Variants in C5orf52 observed in about 807,000 individuals in gnomAD.
The protein encoded by C5orf52 is uncharacterized protein C5orf52.
In C5orf52, 15 loss-of-function variants were observed where a neutral mutation model predicts 16.8. The ratio of observed to expected loss-of-function variants is 0.89; its 90% confidence interval spans 0.60 to 1.38. The LOEUF (loss-of-function observed/expected upper bound fraction) is 1.38, where lower values mean the gene tolerates loss of function less well. Ranked by LOEUF, C5orf52 falls within the 40% of genes most tolerant of loss-of-function variation. The probability of loss-of-function intolerance (pLI) is 0.00; values close to 1 mark genes in which losing one functional copy is unlikely to be tolerated. For synonymous variants in C5orf52, 83 were observed against 87.2 expected, an observed-to-expected ratio of 0.95 and a Z score of 0.27; for missense variants, 206 against 213.1, an observed-to-expected ratio of 0.97 and a Z score of 0.21.
At chr5:157,672,986 A>G (rs1581414747) in intron 1 of C5orf52, among the ~76,000 whole-genome samples, 1 of 151,516 alleles carries the variant, frequency 6.6e-6, no homozygotes, top group Non-Finnish European at 1.5e-5. Flanking sequence ...GTCCTTCAAA[A>G]TGTTTCACCC....
chr5:157,675,068 G>A, intron 1 of C5orf52, 24 bp from the exon 2 acceptor site: 1 of 1,492,794 alleles, frequency 6.7e-7, no homozygotes, highest in Non-Finnish European at 9.1e-7. Context: ...TGTAACCTGT[G>A]CCACCTTTCC....
At chr5:157,672,034 G>A (rs756847917) in intron 1 of C5orf52, among the ~76,000 whole-genome samples, 5 of 152,212 alleles carry the variant, frequency 3.3e-5, no homozygotes, top group Non-Finnish European at 7.3e-5. Flanking sequence ...CGGAATCGCG[G>A]GAGAACCTGG....
At chr5:157,671,254 C>T (rs1759777145), upstream of C5orf52, 1 of 257,382 alleles carries the variant, frequency 3.9e-6, no homozygotes, top group Admixed American at 5.5e-5. Context: ...CCTGGCTCAA[C>T]CCGTTACCCG....
At chr5:157,673,808 C>G (rs1345665748) in intron 1 of C5orf52, among the ~76,000 whole-genome samples, 5 of 152,044 alleles carry the variant, frequency 3.3e-5, no homozygotes, top group Non-Finnish European at 5.9e-5. Context: ...CCACGCCCAG[C>G]TAATTTTTGT....
chr5:157,679,707 G>A (rs1759970589), intron 2 of C5orf52, 134 bp from the exon 3 acceptor site: 2 of 769,390 alleles, frequency 2.6e-6, no homozygotes, highest in Non-Finnish European at 4.2e-6. Flanking sequence ...CAAAGTATAT[G>A]GAATGTACAT....
intron 1 of C5orf52, among the ~76,000 whole-genome samples, chr5:157,672,883 T>C (rs1481731172): frequency 6.6e-6 from 1 of 151,338 alleles, no homozygotes; most frequent in African/African-American, 2.4e-5. Flanking sequence ...CTGGAACTCC[T>C]GACCTCAGGT....
intron 1 of C5orf52, 43 bp downstream of exon 1, chr5:157,671,869 C>A: frequency 7.7e-7 from 1 of 1,303,196 alleles, no homozygotes; most frequent in Non-Finnish European, 1.0e-6. Context: ...CCCTCGGACC[C>A]GCGAGGGAAC....
In C5orf52 at chr5:157,671,834, C is replaced by T. The variant is rs746772810; in HGVS notation, c.212+8C>T. ...GCAGCCGGTGCTGTTCAGGTGTGGC[C>T]CGCATGCCCAGAGCGTTCGTCAGAC... is the stretch of plus-strand genomic sequence containing the variant. On this transcript the variant is annotated splice_region_variant and intron_variant, in intron 1 of 2. Transcript: ENST00000409999. 2 of 1,497,466 alleles carry T rather than the reference C, an allele frequency of 1.3e-6. No individual in the cohort carries two copies. Among genetic ancestry groups the T allele is most frequent in the South Asian group, 2.6e-5 (2 of 76,966 alleles). 92.8% of individuals were successfully genotyped at this position (1,497,466 alleles called of 1,614,324 possible). A position where few individuals can be genotyped will look rare whatever the true frequency, so the allele number is the denominator to read the frequency against.
intron 2 of C5orf52, among the ~76,000 whole-genome samples, chr5:157,676,382 T>G (rs1581416822): frequency 6.6e-6 from 1 of 152,260 alleles, no homozygotes; most frequent in Middle Eastern, 3.4e-3. Context: ...TGCTGCCTGC[T>G]TCTTGACTCT....
intron 1 of C5orf52, among the ~76,000 whole-genome samples, chr5:157,672,842 G>T (rs186222267): frequency 5.1e-4 from 77 of 152,058 alleles, no homozygotes; most frequent in African/African-American, 1.9e-3. Flanking sequence ...TATTAGTAGA[G>T]GCGGGGTTTC....
At chr5:157,673,662 T>G (rs541773175) in intron 1 of C5orf52, among the ~76,000 whole-genome samples, 8 of 152,280 alleles carry the variant, frequency 5.3e-5, no homozygotes, top group African/African-American at 1.9e-4. Flanking sequence ...ATTTTTTTTT[T>G]TTTGAGACGG....
chr5:157,677,782 G>C (rs551672497), intron 2 of C5orf52, among the ~76,000 whole-genome samples: 3 of 152,126 alleles, frequency 2.0e-5, no homozygotes, highest in Middle Eastern at 6.8e-3. Flanking sequence ...TCGGGAGTTT[G>C]AGACCAGCCT....
At chr5:157,679,733 C>A in intron 2 of C5orf52, 108 bp from the exon 3 acceptor site, 1 of 1,075,208 alleles carries the variant, frequency 9.3e-7, no homozygotes, top group Non-Finnish European at 1.3e-6. Context: ...CCAGCTGACA[C>A]TTTTCCCACT....
chr5:157,676,087 T>C (rs1474461944), intron 2 of C5orf52, among the ~76,000 whole-genome samples: 1 of 152,146 alleles, frequency 6.6e-6, no homozygotes, highest in Non-Finnish European at 1.5e-5. Context: ...TTCTTTTCTT[T>C]TTTGAGACAG....
Position 157,671,761 on chromosome 5 carries a change from C to T in C5orf52, c.147C>T (p.Gly49=). ...RDRLGRRPEI[G]VGGQPQICFP... ...GACTCGGCCGCCGCCCAGAAATCGGCGTAGGGGGTCAGCCGCAGATCTGCT... is the reference window on the plus strand; with the variant it reads ...GACTCGGCCGCCGCCCAGAAATCGGTGTAGGGGGTCAGCCGCAGATCTGCT... Residue 49 remains glycine, a synonymous_variant, in exon 1 of 3, where the codon GGC becomes GGT. Transcript: ENST00000409999. 1 of 1,550,762 alleles carries T rather than the reference C, an allele frequency of 6.4e-7. No individual in the cohort carries two copies. The highest frequency in any genetic ancestry group is 8.7e-7 in the Non-Finnish European group (1 of 1,146,676).
At chr5:157,672,275 A>G (rs541273929) in intron 1 of C5orf52, among the ~76,000 whole-genome samples, 43 of 151,972 alleles carry the variant, frequency 2.8e-4, no homozygotes, top group African/African-American at 1.0e-3. Context: ...AAAAAACCCC[A>G]GTTCCCTCTG....
Position 157,671,607 on chromosome 5 carries a change from A to G in C5orf52, c.-8A>G. 1 of 1,543,708 alleles carries G rather than the reference A, an allele frequency of 6.5e-7. No homozygotes were observed. Among genetic ancestry groups the G allele is most frequent in the Non-Finnish European group, 8.7e-7 (1 of 1,143,442 alleles). On this transcript the variant is annotated 5_prime_UTR_variant, in exon 1 of 3. Coordinates refer to ENST00000409999, the MANE Select transcript of C5orf52 (RefSeq NM_001145132.2). ...GTTTCCAACTCTTTCTCCAACAGGGAAGCCGCAATGACACAGCCGACTAGG... is the reference window on the plus strand; with the variant it reads ...GTTTCCAACTCTTTCTCCAACAGGGGAGCCGCAATGACACAGCCGACTAGG...
chr5:157,676,871 C>CTTTTTTTTTTTTTTTTTTT (rs35620575), intron 2 of C5orf52, among the ~76,000 whole-genome samples: 1 of 97,136 alleles, frequency 1.0e-5, no homozygotes, highest in Non-Finnish European at 2.1e-5. Flanking sequence ...CTTTTTTTTT[C>CTTTTTTTTTTTTTTTTTTT]TTTTTTTTTT....
chr5:157,671,303 G>C (rs1457964005), upstream of C5orf52: 1 of 364,514 alleles, frequency 2.7e-6, no homozygotes, highest in Non-Finnish European at 5.0e-6. Flanking sequence ...TCCCCACGTC[G>C]AAGCGGAAAA....
Sources: allele counts gnomAD v4.1 joint callset (sites outside exome capture counted in the v4.1 genomes callset), GRCh38; gene constraint gnomAD v4.1.1; transcripts MANE v1.5; gene names NCBI Gene and HGNC (gene_info 2026-07-23, HGNC 2026-07-21).